The following PTPRD variants were observed in gnomAD, a reference collection of about 807,000 sequenced individuals.
PTPRD encodes protein tyrosine phosphatase receptor type D.
PTPRD carries 34 observed loss-of-function variants against 214.5 expected under a neutral mutation model. The observed-to-expected ratio is 0.16, with a 90% CI of 0.12 to 0.21. The LOEUF is 0.21. Among genes scored for constraint, PTPRD ranks in the 10% least tolerant of loss-of-function variants. The probability of loss-of-function intolerance (pLI) is 1.00; values close to 1 mark genes in which losing one functional copy is unlikely to be tolerated. For synonymous variants in PTPRD, 1,128 were observed against 845.7 expected, an observed-to-expected ratio of 1.33 and a Z score of -5.79; for missense variants, 2,545 against 2,398.7, an observed-to-expected ratio of 1.06 and a Z score of -1.27.
intron 4 of PTPRD, among the ~76,000 whole-genome samples, chr9:10,016,429 G>C (rs1488670902): frequency 6.7e-6 from 1 of 149,948 alleles, no homozygotes; most frequent in Non-Finnish European, 1.5e-5. Context: ...TCTTATTTCA[G>C]TATGCCAAGA....
intron 12 of PTPRD, among the ~76,000 whole-genome samples, chr9:8,674,090 T>C (rs2097348033): frequency 6.6e-6 from 1 of 152,108 alleles, no homozygotes; most frequent in South Asian, 2.1e-4. Flanking sequence ...GTGATAAATA[T>C]GAAATGGGAA....
At chr9:8,904,169 A>C (rs959547272) in intron 11 of PTPRD, among the ~76,000 whole-genome samples, 5 of 152,216 alleles carry the variant, frequency 3.3e-5, no homozygotes, top group Admixed American at 3.3e-4. Context: ...TTTGTGAGTT[A>C]GTTTTAGTCA....
intron 10 of PTPRD, among the ~76,000 whole-genome samples, chr9:9,042,083 G>A (rs931014367): frequency 1.3e-5 from 2 of 152,096 alleles, no homozygotes; most frequent in Non-Finnish European, 2.9e-5. Context: ...ATTGTGACTA[G>A]ACCTAGAAAC....
chr9:9,895,869 G>T (rs1329671204), intron 5 of PTPRD, among the ~76,000 whole-genome samples: 2 of 151,882 alleles, frequency 1.3e-5, no homozygotes, highest in Admixed American at 6.6e-5. Flanking sequence ...CTTAAAAATC[G>T]AGTCTATCAC....
In PTPRD at chr9:9,640,050, T is replaced by G. The variant is rs1235475428; in HGVS notation, c.-286-65269A>C. Among the ~76,000 whole-genome samples, 6 of 152,208 alleles carry G rather than the reference T, an allele frequency of 3.9e-5. No homozygotes were observed. The East Asian group carries it at 1.2e-3, about 29-fold the overall frequency. The stretch of plus-strand genomic sequence containing the variant: ...AATAATTTGTTTCCTCTTTCCTTGG[T>G]AACTGAACCTTGATTTCATCTTAGA... On this transcript the variant is annotated intron_variant, in intron 7 of 45. Coordinates refer to ENST00000381196, the MANE Select transcript of PTPRD (RefSeq NM_002839.4).
rs2097820380 is a variant in PTPRD at position 8,518,152 on chromosome 9, T to C, written c.1239A>G (p.Ser413=). Residue 413 remains serine, a synonymous_variant, in exon 21 of 46, where the codon TCA becomes TCG. Coordinates refer to ENST00000381196, the MANE Select transcript of PTPRD (RefSeq NM_002839.4). ...PPSEPVLTQT[S]EQAPSSAPRD... ...TCGGGGCACTGGATGGTGCTTGCTCTGAGGTTTGTGTTAGCACAGGTTCGC... is the reference window on the plus strand; with the variant it reads ...TCGGGGCACTGGATGGTGCTTGCTCCGAGGTTTGTGTTAGCACAGGTTCGC... 1 of 1,614,188 alleles carries C rather than the reference T, an allele frequency of 6.2e-7. No homozygotes were observed. Among genetic ancestry groups the C allele is most frequent in the Non-Finnish European group, 8.5e-7 (1 of 1,180,028 alleles).
intron 11 of PTPRD, chr9:8,857,555 G>A (rs898436351): frequency 1.3e-5 from 2 of 152,586 alleles, no homozygotes; most frequent in African/African-American, 4.8e-5. Flanking sequence ...GGCGCCGGCA[G>A]CCGGAGCCGG....
At chr9:8,795,288 C>T (rs964412069) in intron 11 of PTPRD, among the ~76,000 whole-genome samples, 2 of 152,030 alleles carry the variant, frequency 1.3e-5, no homozygotes, top group Non-Finnish European at 2.9e-5. Flanking sequence ...CCTCAGCCTC[C>T]CAAGTAGCTG....
intron 14 of PTPRD, among the ~76,000 whole-genome samples, chr9:8,621,832 T>C (rs2095836524): frequency 6.6e-6 from 1 of 151,934 alleles, no homozygotes; most frequent in East Asian, 1.9e-4. Context: ...AAAGGCTCTT[T>C]AGGATACAGG....
chr9:9,458,048 T>G (rs369776770), intron 8 of PTPRD, among the ~76,000 whole-genome samples: 1 of 152,096 alleles, frequency 6.6e-6, no homozygotes, highest in East Asian at 1.9e-4. Context: ...GGTGAGACAA[T>G]TATGCTTTGA....
At chr9:9,685,675 G>T (rs1402889308) in intron 7 of PTPRD, among the ~76,000 whole-genome samples, 1 of 150,762 alleles carries the variant, frequency 6.6e-6, no homozygotes, top group East Asian at 1.9e-4. Flanking sequence ...ATTAGAATTG[G>T]CTGCTCTTAA....
At chr9:10,315,562 A>G (rs1374639416) in intron 3 of PTPRD, among the ~76,000 whole-genome samples, 1 of 151,926 alleles carries the variant, frequency 6.6e-6, no homozygotes, top group Non-Finnish European at 1.5e-5. Context: ...CTTTTAAACA[A>G]TGTGTTTGCA....
intron 9 of PTPRD, among the ~76,000 whole-genome samples, chr9:9,202,234 T>C (rs980067004): frequency 6.6e-6 from 1 of 152,186 alleles, no homozygotes; most frequent in Non-Finnish European, 1.5e-5. Flanking sequence ...TGCACTCTAT[T>C]ATAACACAAA....
At chr9:9,903,537 T>A (rs930669527) in intron 5 of PTPRD, among the ~76,000 whole-genome samples, 1 of 152,148 alleles carries the variant, frequency 6.6e-6, no homozygotes. Flanking sequence ...CTGTATCACT[T>A]ACTTTACATT....
intron 2 of PTPRD, among the ~76,000 whole-genome samples, chr9:10,576,701 A>T (rs767084537): frequency 3.3e-5 from 5 of 152,216 alleles, no homozygotes; most frequent in Non-Finnish European, 7.3e-5. Context: ...TCACAGTAAA[A>T]TCAACAGAGG....
chr9:8,848,643 T>C (rs1397955471), intron 11 of PTPRD, among the ~76,000 whole-genome samples: 2 of 151,936 alleles, frequency 1.3e-5, no homozygotes, highest in Non-Finnish European at 2.9e-5. Context: ...GAAAGCACCA[T>C]GTCATTGGGC....
intron 43 of PTPRD, among the ~76,000 whole-genome samples, chr9:8,337,476 G>C (rs2132101491): frequency 6.6e-6 from 1 of 152,164 alleles, no homozygotes; most frequent in South Asian, 2.1e-4. Flanking sequence ...GGGAACGATA[G>C]CATTAGGAGA....
chr9:9,666,505 C>T (rs2096725299), intron 7 of PTPRD, among the ~76,000 whole-genome samples: 1 of 151,934 alleles, frequency 6.6e-6, no homozygotes, highest in African/African-American at 2.4e-5. Context: ...AAAAGTTACA[C>T]ACAGCTCAAT....
At chr9:9,391,305 A>T (rs1157611513) in intron 9 of PTPRD, among the ~76,000 whole-genome samples, 2 of 152,170 alleles carry the variant, frequency 1.3e-5, no homozygotes, top group Non-Finnish European at 1.5e-5. Flanking sequence ...TTTAAATGAT[A>T]TTGATAAACA....
Sources: gnomAD v4.1 joint callset for allele counts (sites outside exome capture counted in the v4.1 genomes callset) on GRCh38, gnomAD v4.1.1 for gene constraint, MANE v1.5 for transcripts, NCBI Gene and HGNC (gene_info 2026-07-23, HGNC 2026-07-21) for gene names.